ZNF462: variants seen among roughly 807,000 people sequenced by gnomAD.
ZNF462 encodes zinc finger PBX1-interacting protein.
A neutral mutation model predicts 201.9 loss-of-function variants in ZNF462; 10 were observed. That is an observed-to-expected ratio of 0.05 (90% CI 0.03 to 0.08). The LOEUF is 0.08. ZNF462 is among the 10% of genes least tolerant of loss of function. The pLI is 1.00. For missense variants in ZNF462, 2,523 were observed against 3,168.3 expected (o/e 0.80, Z 4.89); for synonymous variants, 1,227 against 1,193.3 (o/e 1.03, Z -0.58).
At position 106,872,793 on chromosome 9, in the gene ZNF462, C is replaced by A. The variant is rs1256921157; in HGVS notation, c.-31+9438C>A. ...TAGAAAATAAATATGATTGCTTCATCAAAAAAATCTGCCAACTCTATAGAG... is the reference window on the plus strand; with the variant it reads ...TAGAAAATAAATATGATTGCTTCATAAAAAAAATCTGCCAACTCTATAGAG... On this transcript the variant is annotated intron_variant, in intron 1 of 12. Transcript: ENST00000277225. This position sits in a 1 kb window ranked among gnomAD's most constrained non-coding sequence, Gnocchi z 4.5. Among the ~76,000 whole-genome samples the A allele has an allele frequency of 1.3e-5, 2 of 152,052 alleles. No homozygotes were observed. Among genetic ancestry groups the A allele is most frequent in the African/African-American group, 2.4e-5 (1 of 41,390 alleles).
chr9:106,943,190 A>G (rs1451762871), intron 7 of ZNF462, among the ~76,000 whole-genome samples: 1 of 152,032 alleles, frequency 6.6e-6, no homozygotes, highest in East Asian at 1.9e-4. Flanking sequence ...TAGTCCTCCC[A>G]AAAGAGAAGT....
intron 10 of ZNF462, among the ~76,000 whole-genome samples, chr9:107,000,784 G>A (rs989656883): frequency 2.6e-5 from 4 of 152,010 alleles, no homozygotes; most frequent in Non-Finnish European, 5.9e-5. Flanking sequence ...CTGGGAAAAT[G>A]GACAAATACA....
Position 106,938,824 on chromosome 9 carries a change from A to G in ZNF462, c.6236-92A>G, listed in dbSNP as rs1791806612. The G allele has an allele frequency of 7.5e-7, 1 of 1,327,802 alleles. No individual in the cohort carries two copies. Among genetic ancestry groups the G allele is most frequent in the African/African-American group, 1.5e-5 (1 of 67,666 alleles). 82.3% of individuals were successfully genotyped at this position (1,327,802 alleles called of 1,614,324 possible). A position where few individuals can be genotyped will look rare whatever the true frequency, so the allele number is the denominator to read the frequency against. Reference sequence around the variant, plus strand: ...GAAGCTTGAGATGCGCTTCTCTAGCATGAGTTAACTGAGTTATCTTGTTTC... The same window carrying G: ...GAAGCTTGAGATGCGCTTCTCTAGCGTGAGTTAACTGAGTTATCTTGTTTC... On this transcript the variant is annotated intron_variant, in intron 6 of 12. Coordinates refer to ENST00000277225, the MANE Select transcript of ZNF462 (RefSeq NM_021224.6). The surrounding 1 kb of genome is among the most constrained non-coding windows in gnomAD (Gnocchi z 4.4).
At chr9:107,001,089 T>C (rs1448995681) in intron 10 of ZNF462, among the ~76,000 whole-genome samples, 1 of 152,154 alleles carries the variant, frequency 6.6e-6, no homozygotes. Context: ...ATAGTTTCCC[T>C]GATTCCTAAT....
chr9:106,978,488 C>T lies in ZNF462; in HGVS notation c.6832+4215C>T, dbSNP rs55739260. Among the ~76,000 whole-genome samples the T allele has an allele frequency of 0.04, 6,042 of 151,434 alleles. 591 individuals carry two copies. The highest frequency in any genetic ancestry group is 0.14 in the African/African-American group (5,595 of 40,756). The stretch of plus-strand genomic sequence containing the variant: ...AGACACTTATTGAATACTAATTTAG[C>T]AAAGGTTGAAGCAAAGGATTGGTAG... On this transcript the variant is annotated intron_variant, in intron 9 of 12. Transcript: ENST00000277225. This position sits in a 1 kb window ranked among gnomAD's most constrained non-coding sequence, Gnocchi z 4.1.
At position 106,972,399 on chromosome 9, in the gene ZNF462, G is replaced by A; in HGVS notation, c.6695+127G>A. The A allele has an allele frequency of 1.5e-6, 2 of 1,366,444 alleles. No individual in the cohort carries two copies. Among genetic ancestry groups the A allele is most frequent in the African/African-American group, 1.5e-5 (1 of 68,704 alleles). The allele number at this position is 1,366,444 out of a possible 1,614,324, so 84.6% of individuals were successfully genotyped here. ...GGCCCTGCCCATGTGATGATGTAGG[G>A]GTTGGGTCCAGGCTTCATGGAAGGA... On this transcript the variant is annotated intron_variant, in intron 8 of 12. Transcript: ENST00000277225. This position sits in a 1 kb window ranked among gnomAD's most constrained non-coding sequence, Gnocchi z 4.8.
rs1479132878 is a variant in ZNF462 at position 106,968,118 on chromosome 9, T to C, written c.6428-3887T>C. On this transcript the variant is annotated intron_variant, in intron 7 of 12. Coordinates refer to ENST00000277225, the MANE Select transcript of ZNF462 (RefSeq NM_021224.6). The surrounding 1 kb of genome is among the most constrained non-coding windows in gnomAD (Gnocchi z 4.0). ...TATCACAGAACCCTAGAGGTCACCA[T>C]TGAGAACAGATGCCTAAGACACAAG... Among the ~76,000 whole-genome samples the C allele has an allele frequency of 6.6e-6, 1 of 152,198 alleles. No homozygotes were observed. Among genetic ancestry groups the C allele is most frequent in the Non-Finnish European group, 1.5e-5 (1 of 68,032 alleles).
chr9:106,915,974 C>T lies in ZNF462; in HGVS notation c.-30-7380C>T, dbSNP rs199938551. Among the ~76,000 whole-genome samples the T allele has an allele frequency of 2.0e-5, 3 of 152,262 alleles. No homozygotes were observed. The East Asian group carries it at 5.8e-4, about 29-fold the overall frequency. Reference sequence around the variant, plus strand: ...GAGGCAGGCTCAGAATCATTCTCGTCTAAAGCAAGTGAATTGTCTGAATTT... The same window carrying T: ...GAGGCAGGCTCAGAATCATTCTCGTTTAAAGCAAGTGAATTGTCTGAATTT... On this transcript the variant is annotated intron_variant, in intron 1 of 12. Transcript: ENST00000277225.
At chr9:106,985,785 G>A (rs1371619162) in intron 10 of ZNF462, among the ~76,000 whole-genome samples, 1 of 152,116 alleles carries the variant, frequency 6.6e-6, no homozygotes, top group Non-Finnish European at 1.5e-5. Flanking sequence ...TGTTCTGTGG[G>A]GTGTTGAGAG....
rs898887144 is a variant in ZNF462 at position 106,865,515 on chromosome 9, C to A, written c.-31+2160C>A. On this transcript the variant is annotated intron_variant, in intron 1 of 12. Transcript: ENST00000277225. This position sits in a 1 kb window ranked among gnomAD's most constrained non-coding sequence, Gnocchi z 4.1. ...ATAATCCTGCAAGATCTCAGAGGAA[C>A]TCTAAGACTGGCTAACACCAGTTTC... Among the ~76,000 whole-genome samples, 1 of 152,168 alleles carries A rather than the reference C, an allele frequency of 6.6e-6. No individual in the cohort carries two copies. Among genetic ancestry groups the A allele is most frequent in the Non-Finnish European group, 1.5e-5 (1 of 68,034 alleles).
Position 106,974,266 on chromosome 9 carries a change from G to C in ZNF462, c.6825G>C (p.Leu2275=), listed in dbSNP as rs747515781. Residue 2275 remains leucine, a synonymous_variant, in exon 9 of 13, where the codon CTG becomes CTC. Transcript: ENST00000277225. This position sits in a 1 kb window ranked among gnomAD's most constrained non-coding sequence, Gnocchi z 4.0. The part of the protein sequence containing the change: ...YKRNMIDHIV[L]HREERVVPIE... ...GCAACATGATTGACCACATCGTGCT[G>C]CACCGAGGTAACCTTTCTAACTTGG... is the stretch of plus-strand genomic sequence containing the variant. 6.2e-7 allele frequency: 1 copy of C among 1,614,164 alleles called. No homozygotes were observed. The highest frequency in any genetic ancestry group is 1.1e-5 in the South Asian group (1 of 91,082).
chr9:106,996,288 G>A (rs1327670046), intron 10 of ZNF462, among the ~76,000 whole-genome samples: 1 of 152,294 alleles, frequency 6.6e-6, no homozygotes, highest in South Asian at 2.1e-4. Flanking sequence ...GTGTGCATGT[G>A]TCTTTATAGC....
chr9:106,943,107 A>T (rs1830958020), intron 7 of ZNF462, among the ~76,000 whole-genome samples: 1 of 139,620 alleles, frequency 7.2e-6, no homozygotes, highest in Non-Finnish European at 1.5e-5. Flanking sequence ...CTGGTGCCTT[A>T]GTTAGCAACC....
In ZNF462 at chr9:107,008,536, G is replaced by A. The variant is rs1829720912; in HGVS notation, c.7190-1009G>A. Among the ~76,000 whole-genome samples the A allele has an allele frequency of 2.0e-5, 3 of 152,126 alleles. No individual in the cohort carries two copies. The highest frequency in any genetic ancestry group is 7.2e-5 in the African/African-American group (3 of 41,422). On this transcript the variant is annotated intron_variant, in intron 11 of 12. Transcript: ENST00000277225. The surrounding 1 kb of genome is among the most constrained non-coding windows in gnomAD (Gnocchi z 4.8). ...GATGATCAACACTTCCCTGTGCGAT[G>A]CCCTCACTTTGCAACACGGCTGCAG...
intron 10 of ZNF462, among the ~76,000 whole-genome samples, chr9:106,998,454 A>G (rs1030217027): frequency 1.3e-5 from 2 of 152,192 alleles, no homozygotes; most frequent in African/African-American, 4.8e-5. Context: ...AGAATATGCC[A>G]GAAGTATGGA....
chr9:106,994,243 A>G (rs1443366865), intron 10 of ZNF462, among the ~76,000 whole-genome samples: 6 of 152,138 alleles, frequency 3.9e-5, no homozygotes, highest in Non-Finnish European at 8.8e-5. Context: ...TAAGAAACTC[A>G]TATCTTACTT....
chr9:106,927,455 T>C lies in ZNF462; in HGVS notation c.3543T>C (p.Ser1181=). The C allele has an allele frequency of 6.2e-7, 1 of 1,612,724 alleles. No individual in the cohort carries two copies. Among genetic ancestry groups the C allele is most frequent in the South Asian group, 1.1e-5 (1 of 91,018 alleles). ...APIQQLNRSS[S]ERDGPPVENE... Reference sequence around the variant, plus strand: ...TACAACAGCTGAACCGAAGCAGCTCTGAGAGAGATGGCCCTCCTGTGGAGA... The same window carrying C: ...TACAACAGCTGAACCGAAGCAGCTCCGAGAGAGATGGCCCTCCTGTGGAGA... Residue 1181 remains serine, a synonymous_variant, in exon 3 of 13, where the codon TCT becomes TCC. Coordinates refer to ENST00000277225, the MANE Select transcript of ZNF462 (RefSeq NM_021224.6).
chr9:106,948,375 C>T (rs776769262), intron 7 of ZNF462, among the ~76,000 whole-genome samples: 3 of 152,200 alleles, frequency 2.0e-5, no homozygotes, highest in Non-Finnish European at 4.4e-5. Context: ...GCTATAAGTG[C>T]ATTCAGCTAG....
At position 106,877,374 on chromosome 9, in the gene ZNF462, A is replaced by G. The variant is rs141205383; in HGVS notation, c.-31+14019A>G. On this transcript the variant is annotated intron_variant, in intron 1 of 12. Coordinates refer to ENST00000277225, the MANE Select transcript of ZNF462 (RefSeq NM_021224.6). ...AATATGTCATTGGAATGTTGTTGTT[A>G]TTATTATTATTATCATTATTATTAC... Among the ~76,000 whole-genome samples the G allele has an allele frequency of 5.2e-3, 574 of 109,822 alleles. 3 individuals are homozygous for G. The highest frequency in any genetic ancestry group is 0.02 in the African/African-American group (557 of 27,982). 72.0% of individuals were successfully genotyped at this position (109,822 alleles called of 152,430 possible). A position where few individuals can be genotyped will look rare whatever the true frequency, so the allele number is the denominator to read the frequency against.
Sources: allele counts gnomAD v4.1 joint callset (sites outside exome capture counted in the v4.1 genomes callset), GRCh38; gene constraint gnomAD v4.1.1; non-coding constraint Gnocchi (gnomAD v3.1); transcripts MANE v1.5; gene names NCBI Gene and HGNC (gene_info 2026-07-23, HGNC 2026-07-21).